Variants in RANBP17 observed in about 807,000 individuals in gnomAD.
RANBP17 encodes RAN binding protein 17, also known as ran-binding protein 17.
Under a neutral mutation model 141.2 loss-of-function variants are expected in RANBP17, and 158 were observed. That is an observed-to-expected ratio of 1.12 (90% CI 0.98 to 1.28). The LOEUF (loss-of-function observed/expected upper bound fraction) is 1.28, where lower values mean the gene tolerates loss of function less well. Ranked by LOEUF, RANBP17 falls within the 50% of genes most tolerant of loss-of-function variation. RANBP17 has a pLI of 0.00. For synonymous variants in RANBP17, 430 were observed against 450.0 expected (o/e 0.96, Z 0.56); for missense variants, 1,438 against 1,290.7 (o/e 1.11, Z -1.75).
intron 19 of RANBP17, among the ~76,000 whole-genome samples, chr5:171,205,268 G>A (rs1762509169): frequency 6.6e-6 from 1 of 152,042 alleles, no homozygotes; most frequent in Non-Finnish European, 1.5e-5. Flanking sequence ...CAGAAACAAA[G>A]TATATTAAGA....
At chr5:170,944,319 T>C (rs569421637) in intron 12 of RANBP17, among the ~76,000 whole-genome samples, 1 of 152,202 alleles carries the variant, frequency 6.6e-6, no homozygotes, top group East Asian at 1.9e-4. Context: ...TAGGCTAGAG[T>C]GCAGTGGTGC....
At chr5:171,152,645 G>T (rs367698756) in intron 14 of RANBP17, among the ~76,000 whole-genome samples, 3 of 152,078 alleles carry the variant, frequency 2.0e-5, no homozygotes, top group African/African-American at 7.2e-5. Flanking sequence ...GCTCCCTTCT[G>T]TCATGCTGAC....
intron 14 of RANBP17, among the ~76,000 whole-genome samples, chr5:170,981,562 A>AT (rs1016650953): frequency 2.3e-4 from 35 of 149,238 alleles, no homozygotes; most frequent in African/African-American, 8.2e-4. Context: ...ACAGGCTCTC[A>AT]TTTTTTTTTT....
rs138557371 is a variant in RANBP17 at position 170,918,833 on chromosome 5, G to C, written c.1075G>C (p.Ala359Pro). Residue 359 changes from alanine (A) to proline (P), a missense_variant, in exon 10 of 28, where the codon GCT (alanine) becomes CCT (proline). Ala to Pro is a conservative substitution (Grantham distance 27). Transcript: ENST00000523189. ...ATATCCTGAAGTTATTAGATTGATTGCTAATTTTACCATTACTAGCCTACA... is the reference window on the plus strand; with the variant it reads ...ATATCCTGAAGTTATTAGATTGATTCCTAATTTTACCATTACTAGCCTACA... Reference protein sequence around the residue: ...KEYPEVIRLIANFTITSLQHW... With the variant: ...KEYPEVIRLIPNFTITSLQHW... 3.2e-5 allele frequency: 51 copies of C among 1,581,048 alleles called. No individual in the cohort carries two copies. Among genetic ancestry groups the C allele is most frequent in the Non-Finnish European group, 3.8e-5 (44 of 1,161,560 alleles).
chr5:170,910,884 G>C (rs1771467517), intron 6 of RANBP17, 85 bp from the exon 7 acceptor site: 1 of 1,312,288 alleles, frequency 7.6e-7, no homozygotes, highest in Admixed American at 2.0e-5. Flanking sequence ...GTTTTCATTT[G>C]ACATTGAAAA....
intron 16 of RANBP17, among the ~76,000 whole-genome samples, chr5:171,176,294 C>A (rs1581794711): frequency 7.5e-6 from 1 of 133,958 alleles, no homozygotes; most frequent in East Asian, 2.5e-4. Context: ...CCCTACCTTT[C>A]CCAGCTCCAT....
At chr5:171,077,915 T>G (rs957026433) in intron 14 of RANBP17, among the ~76,000 whole-genome samples, 2 of 152,106 alleles carry the variant, frequency 1.3e-5, no homozygotes, top group Non-Finnish European at 2.9e-5. Context: ...TTCACTTCTA[T>G]GAAGACTGAG....
chr5:171,057,686 G>A (rs976404390), intron 14 of RANBP17, among the ~76,000 whole-genome samples: 17 of 151,820 alleles, frequency 1.1e-4, no homozygotes, highest in Admixed American at 3.9e-4. Context: ...ACAGTTTTCT[G>A]TTGCTGGGGA....
rs1767076411 is a variant in RANBP17, at chr5:171,271,075, C to CCTTTTTT, written c.2943+5228_2943+5229insCTTTTTT. The CCTTTTTT allele has an allele frequency of 8.0e-4, 22 of 27,562 alleles. 3 individuals are homozygous for CCTTTTTT. The highest frequency in any genetic ancestry group is 1.3e-3 in the African/African-American group (8 of 5,934). The allele number at this position is 27,562 out of a possible 1,614,324, so 1.7% of individuals were successfully genotyped here. On this transcript the variant is annotated intron_variant, in intron 25 of 27. Transcript: ENST00000523189. ...TTTCTCCCTCCTTTTTATGTTATTTCTTTTTTTTTTTTTTTTTTTTTTTTT... is the reference window on the plus strand; with the variant it reads ...TTTCTCCCTCCTTTTTATGTTATTTCCTTTTTTTTTTTTTTTTTTTTTTTTTTTTTTT...
intron 18 of RANBP17, among the ~76,000 whole-genome samples, chr5:171,184,346 CTGGAGGGT>C (rs1761085279): frequency 6.6e-6 from 1 of 152,108 alleles, no homozygotes; most frequent in African/African-American, 2.4e-5. Flanking sequence ...GTGGATGAAC[CTGGAGGGT>C]ACTATGTTAA....
At chr5:171,166,346 T>A (rs1759697369) in intron 14 of RANBP17, among the ~76,000 whole-genome samples, 1 of 152,132 alleles carries the variant, frequency 6.6e-6, no homozygotes, top group Non-Finnish European at 1.5e-5. Context: ...TTTCTTAGAT[T>A]TTGACTCATT....
intron 14 of RANBP17, among the ~76,000 whole-genome samples, chr5:171,080,036 G>C (rs1273124198): frequency 2.0e-5 from 3 of 152,092 alleles, no homozygotes. Flanking sequence ...AACTGATCCT[G>C]ATAACATTTT....
At chr5:171,212,834 C>T (rs901696044) in intron 20 of RANBP17, among the ~76,000 whole-genome samples, 4 of 152,160 alleles carry the variant, frequency 2.6e-5, no homozygotes, top group African/African-American at 9.7e-5. Context: ...CATATGTCTA[C>T]TTGGCAAGGA....
intron 14 of RANBP17, among the ~76,000 whole-genome samples, chr5:171,083,466 T>C (rs1034039148): frequency 4.6e-5 from 7 of 152,180 alleles, no homozygotes; most frequent in African/African-American, 1.7e-4. Context: ...TTCTGTTGTT[T>C]CTAAGCCACC....
intron 14 of RANBP17, among the ~76,000 whole-genome samples, chr5:171,076,596 C>G (rs2127701422): frequency 6.6e-6 from 1 of 152,130 alleles, no homozygotes; most frequent in East Asian, 1.9e-4. Context: ...CTTGTTATAC[C>G]AAATAGCAAA....
At chr5:171,191,697 AAAG>A (rs1157322103) in intron 18 of RANBP17, among the ~76,000 whole-genome samples, 1 of 152,096 alleles carries the variant, frequency 6.6e-6, no homozygotes, top group African/African-American at 2.4e-5. Context: ...AAAAAAAAAA[AAAG>A]AAAAGAAAAC....
intron 14 of RANBP17, among the ~76,000 whole-genome samples, chr5:170,981,919 G>T (rs1022422442): frequency 6.6e-6 from 1 of 152,148 alleles, no homozygotes; most frequent in Non-Finnish European, 1.5e-5. Flanking sequence ...GCAGTTCGGG[G>T]TGTGGCTAAA....
chr5:170,911,670 T>C (rs1771536547), intron 7 of RANBP17, among the ~76,000 whole-genome samples: 1 of 151,800 alleles, frequency 6.6e-6, no homozygotes, highest in Non-Finnish European at 1.5e-5. Context: ...GTATGAAGGG[T>C]CATCATGAGA....
chr5:171,058,221 T>C (rs1022275107), intron 14 of RANBP17, among the ~76,000 whole-genome samples: 1 of 151,854 alleles, frequency 6.6e-6, no homozygotes, highest in South Asian at 2.1e-4. Flanking sequence ...GCAGGTTAGT[T>C]ACATATGTAT....
Sources: gnomAD v4.1 joint callset for allele counts (sites outside exome capture counted in the v4.1 genomes callset) on GRCh38, gnomAD v4.1.1 for gene constraint, MANE v1.5 for transcripts, NCBI Gene and HGNC (gene_info 2026-07-23, HGNC 2026-07-21) for gene names.